The following SNTG1 variants were observed in gnomAD, a reference collection of about 807,000 sequenced individuals.
The protein encoded by SNTG1 is syntrophin gamma 1.
Under a neutral mutation model 74.7 loss-of-function variants are expected in SNTG1, and 39 were observed. That is an observed-to-expected ratio of 0.52 (90% confidence interval 0.40 to 0.68). The LOEUF is 0.68. Among genes scored for constraint, SNTG1 ranks in the 30% least tolerant of loss-of-function variants. SNTG1 has a pLI of 0.00. For missense variants in SNTG1, 685 were observed against 609.5 expected (o/e 1.12, Z -1.30); for synonymous variants, 254 against 217.1 (o/e 1.17, Z -1.49).
chr8:50,232,880 A>T (rs1035900320), intron 2 of SNTG1, among the ~76,000 whole-genome samples: 1 of 151,544 alleles, frequency 6.6e-6, no homozygotes, highest in Admixed American at 6.6e-5. Context: ...AAACACCTAC[A>T]GGACTTTAAC....
At chr8:50,590,820 G>C in intron 12 of SNTG1, 59 bp from the exon 13 acceptor site, 1 of 1,099,608 alleles carries the variant, frequency 9.1e-7, no homozygotes, top group Non-Finnish European at 1.3e-6. Flanking sequence ...TAAAATTCTG[G>C]GGACCTTGTG....
chr8:50,030,593 G>A (rs1817659438), intron 1 of SNTG1, among the ~76,000 whole-genome samples: 1 of 151,654 alleles, frequency 6.6e-6, no homozygotes, highest in South Asian at 2.1e-4. Context: ...ACCATTTATG[G>A]AACAGACTAT....
chr8:50,042,793 T>G (rs2130826441), intron 1 of SNTG1, among the ~76,000 whole-genome samples: 1 of 152,036 alleles, frequency 6.6e-6, no homozygotes, highest in East Asian at 1.9e-4. Flanking sequence ...AATTCTTGGA[T>G]TCCAGTGTTG....
chr8:50,694,104 G>A (rs2095394237), intron 15 of SNTG1, among the ~76,000 whole-genome samples: 1 of 147,792 alleles, frequency 6.8e-6, no homozygotes, highest in Non-Finnish European at 1.5e-5. Context: ...AAATAATAAA[G>A]AACATAAATA....
At chr8:50,196,872 C>T (rs926247967) in intron 2 of SNTG1, among the ~76,000 whole-genome samples, 1 of 151,660 alleles carries the variant, frequency 6.6e-6, no homozygotes, top group Admixed American at 6.6e-5. Context: ...ATCCCAGCTA[C>T]TCAGGAGGCT....
intron 2 of SNTG1, among the ~76,000 whole-genome samples, chr8:50,240,437 T>C (rs975688977): frequency 6.6e-6 from 1 of 152,232 alleles, no homozygotes; most frequent in Non-Finnish European, 1.5e-5. Context: ...CCAGTAAGTC[T>C]CTTTAGTTAC....
chr8:50,328,673 A>G (rs1208559084), intron 2 of SNTG1, among the ~76,000 whole-genome samples: 1 of 152,142 alleles, frequency 6.6e-6, no homozygotes, highest in Non-Finnish European at 1.5e-5. Context: ...TGGGGATTAC[A>G]GGTCCTTCCC....
At chr8:49,940,735 A>G (rs1182557487) in intron 1 of SNTG1, among the ~76,000 whole-genome samples, 3 of 152,204 alleles carry the variant, frequency 2.0e-5, no homozygotes, top group African/African-American at 7.2e-5. Flanking sequence ...ACTTGTAGTC[A>G]GATGGTAGAG....
intron 17 of SNTG1, among the ~76,000 whole-genome samples, chr8:50,749,682 T>A (rs1364802044): frequency 3.9e-5 from 6 of 152,024 alleles, no homozygotes. Context: ...TTGTGCTAAA[T>A]CTACCCTACC....
chr8:49,928,145 TAATA>T (rs372341073), intron 1 of SNTG1, among the ~76,000 whole-genome samples: 12,299 of 138,028 alleles, frequency 0.089, 741 homozygotes, highest in South Asian at 0.19. Flanking sequence ...TCTCAAAAAA[TAATA>T]AATAAATAAA....
chr8:50,617,734 C>T (rs889864882), intron 13 of SNTG1, among the ~76,000 whole-genome samples: 4 of 152,166 alleles, frequency 2.6e-5, no homozygotes, highest in African/African-American at 9.7e-5. Flanking sequence ...GAAGTGGGTA[C>T]ATGACTGGGG....
intron 5 of SNTG1, among the ~76,000 whole-genome samples, chr8:50,441,721 C>T (rs910676157): frequency 6.6e-6 from 1 of 152,056 alleles, no homozygotes; most frequent in South Asian, 2.1e-4. Context: ...CTTACCAAAT[C>T]TGAGCCTGTC....
intron 13 of SNTG1, among the ~76,000 whole-genome samples, chr8:50,648,454 CT>C (rs1241858526): frequency 1.3e-5 from 2 of 151,944 alleles, no homozygotes; most frequent in Non-Finnish European, 1.5e-5. Flanking sequence ...TTTTATCAGA[CT>C]GAATTAAAAC....
chr8:50,610,420 T>C (rs1370353012), intron 13 of SNTG1, among the ~76,000 whole-genome samples: 1 of 152,178 alleles, frequency 6.6e-6, no homozygotes, highest in African/African-American at 2.4e-5. Flanking sequence ...CTCTTTTCTC[T>C]GCATGTGCAT....
intron 4 of SNTG1, among the ~76,000 whole-genome samples, chr8:50,431,115 A>G (rs1193150930): frequency 6.6e-6 from 1 of 152,200 alleles, no homozygotes; most frequent in East Asian, 1.9e-4. Flanking sequence ...CACAGACTGC[A>G]TTCCTTCTTT....
chr8:50,185,830 TA>T (rs2083363859), intron 2 of SNTG1, among the ~76,000 whole-genome samples: 1 of 152,086 alleles, frequency 6.6e-6, no homozygotes, highest in Middle Eastern at 3.4e-3. Context: ...TTATTTTATT[TA>T]TTTTTTTTTA....
At chr8:50,693,403 G>A (rs528181294) in intron 15 of SNTG1, among the ~76,000 whole-genome samples, 16 of 151,970 alleles carry the variant, frequency 1.1e-4, no homozygotes, top group African/African-American at 2.2e-4. Flanking sequence ...CTCCTCCCCC[G>A]GGATAAGTTC....
intron 9 of SNTG1, among the ~76,000 whole-genome samples, chr8:50,519,700 C>T (rs569482688): frequency 1.6e-4 from 24 of 152,236 alleles, no homozygotes; most frequent in African/African-American, 5.8e-4. Flanking sequence ...AACTCTCATT[C>T]ACAATTGCTA....
intron 2 of SNTG1, among the ~76,000 whole-genome samples, chr8:50,272,404 C>T (rs1008902893): frequency 6.6e-6 from 1 of 152,150 alleles, no homozygotes; most frequent in Non-Finnish European, 1.5e-5. Context: ...TTCCCTGGAT[C>T]CTCTGTCAGC....
Sources: gnomAD v4.1 joint callset for allele counts (sites outside exome capture counted in the v4.1 genomes callset) on GRCh38, gnomAD v4.1.1 for gene constraint, MANE v1.5 for transcripts, NCBI Gene and HGNC (gene_info 2026-07-23, HGNC 2026-07-21) for gene names.